Variants in GBA1 observed in about 807,000 individuals in gnomAD.
GBA1 encodes the protein lysosomal acid glucosylceramidase.
the GBA1 span, among the ~76,000 whole-genome samples, chr1:155,242,817 C>G: frequency 6.6e-6 from 1 of 151,852 alleles, no homozygotes; most frequent in Non-Finnish European, 1.5e-5. Flanking sequence ...GGTCTCGAAC[C>G]CCTGACCTCA....
chr1:155,244,397 C>CA, the GBA1 span: 4 of 151,986 alleles, frequency 2.6e-5, no homozygotes, highest in East Asian at 5.8e-4. Flanking sequence ...GAGACTCCCT[C>CA]AAAAAATAAT....
chr1:155,237,378 T>G, the GBA1 span: 2 of 1,613,968 alleles, frequency 1.2e-6, no homozygotes, highest in Non-Finnish European at 1.7e-6. Flanking sequence ...GCGTTGGTCA[T>G]CCAGCATGAG....
At chr1:155,240,495 G>T in the GBA1 span, 1 of 788,538 alleles carries the variant, frequency 1.3e-6, no homozygotes, top group Non-Finnish European at 2.3e-6. Flanking sequence ...TCACCCCAAA[G>T]TTGGTCTCAG....
chr1:155,240,543 T>C, the GBA1 span: 1 of 1,021,262 alleles, frequency 9.8e-7, no homozygotes, highest in Admixed American at 1.7e-5. Context: ...ACTAAAAGTC[T>C]ACCACCAGCT....
chr1:155,234,554 C>T, the GBA1 span: 1 of 21,542 alleles, frequency 4.6e-5, no homozygotes, highest in Non-Finnish European at 9.4e-5. Flanking sequence ...TTAAGGCTTC[C>T]GCCCTGATGC....
At chr1:155,240,828 T>G in the GBA1 span, 10 of 987,354 alleles carry the variant, frequency 1.0e-5, 1 homozygote, top group African/African-American at 1.3e-4. Context: ...TCTCCCACAT[T>G]CATTAGGACA....
the GBA1 span, among the ~76,000 whole-genome samples, chr1:155,243,853 A>G: frequency 6.6e-6 from 1 of 151,294 alleles, no homozygotes; most frequent in Non-Finnish European, 1.5e-5. Flanking sequence ...GTTCACTGCA[A>G]CCTCCGCCTC....
chr1:155,238,100 C>T, the GBA1 span: 1 of 1,608,986 alleles, frequency 6.2e-7, no homozygotes, highest in Non-Finnish European at 8.5e-7. Flanking sequence ...AATGGGAGGC[C>T]AGTCCTGATC....
chr1:155,237,863 C>T, the GBA1 span: 2 of 646,704 alleles, frequency 3.1e-6, no homozygotes, highest in African/African-American at 1.9e-5. Flanking sequence ...GATGGCGCCA[C>T]AGCACTCCAG....
chr1:155,243,218 C>T, the GBA1 span, among the ~76,000 whole-genome samples: 1 of 152,196 alleles, frequency 6.6e-6, no homozygotes, highest in Non-Finnish European at 1.5e-5. Context: ...GAACTAGTTG[C>T]TTCACTATGT....
At chr1:155,239,957 T>C in the GBA1 span, 2 of 1,614,046 alleles carry the variant, frequency 1.2e-6, no homozygotes, top group Non-Finnish European at 1.7e-6. Flanking sequence ...TGTACTCTCA[T>C]AGCGGCTGAA....
chr1:155,242,482 A>T, the GBA1 span, among the ~76,000 whole-genome samples: 1 of 151,288 alleles, frequency 6.6e-6, no homozygotes, highest in Non-Finnish European at 1.5e-5. Context: ...TTGGTATCCG[A>T]AAGTGCTGGG....
chr1:155,236,106 G>C, the GBA1 span: 1 of 831,986 alleles, frequency 1.2e-6, no homozygotes, highest in East Asian at 2.7e-5. Context: ...GGAAGATAGG[G>C]AATCATGGTT....
chr1:155,240,283 G>A, the GBA1 span: 1 of 609,850 alleles, frequency 1.6e-6, no homozygotes. Flanking sequence ...TGCCAGCATG[G>A]TGAAACCCCG....
At chr1:155,235,599 T>C in the GBA1 span, 2 of 1,412,332 alleles carry the variant, frequency 1.4e-6, no homozygotes, top group Non-Finnish European at 2.0e-6. Flanking sequence ...TCCTGCTCCC[T>C]CGTGGTGTAG....
At chr1:155,236,440 A>G in the GBA1 span, 1 of 1,614,166 alleles carries the variant, frequency 6.2e-7, no homozygotes, top group South Asian at 1.1e-5. Context: ...TGCCATGAAC[A>G]TATTTAGCTG....
chr1:155,235,861 G>A, the GBA1 span: 4 of 1,614,246 alleles, frequency 2.5e-6, no homozygotes, highest in Admixed American at 6.7e-5. Context: ...TAAGGACAAA[G>A]GCAAAGAGAC....
chr1:155,236,149 G>A, the GBA1 span: 5 of 1,107,500 alleles, frequency 4.5e-6, no homozygotes, highest in East Asian at 2.5e-5. Context: ...AGGCTAGCTG[G>A]GGAAAGCTGG....
At chr1:155,238,635 A>T in the GBA1 span, 1 of 1,613,670 alleles carries the variant, frequency 6.2e-7, no homozygotes, top group Non-Finnish European at 8.5e-7. Flanking sequence ...TACCCGGATG[A>T]TGTTATATCC....
Sources: allele counts gnomAD v4.1 joint callset (sites outside exome capture counted in the v4.1 genomes callset), GRCh38; gene constraint gnomAD v4.1.1; transcripts MANE v1.5; gene names NCBI Gene and HGNC (gene_info 2026-07-23, HGNC 2026-07-21).